PARVG: variants seen among roughly 807,000 people sequenced by gnomAD.
PARVG encodes the protein gamma-parvin.
In PARVG, 36 loss-of-function variants were observed where a neutral mutation model predicts 44.4. The observed-to-expected ratio is 0.81, with a 90% CI of 0.62 to 1.07. PARVG has a LOEUF of 1.07. Among genes scored for constraint, PARVG ranks in the 50% least tolerant of loss-of-function variants. The pLI is 0.00. For missense variants in PARVG, 407 were observed against 407.4 expected (o/e 1.00, Z 0.01); for synonymous variants, 170 against 174.1 (o/e 0.98, Z 0.19).
In PARVG at chr22:44,192,117, T is replaced by C. The variant is rs1182131126; in HGVS notation, c.560+13T>C. 6.2e-7 allele frequency: 1 copy of C among 1,609,442 alleles called. No homozygotes were observed. The highest frequency in any genetic ancestry group is 1.1e-5 in the South Asian group (1 of 90,968). On this transcript the variant is annotated intron_variant, in intron 8 of 13. Transcript: ENST00000444313. The stretch of plus-strand genomic sequence containing the variant: ...TCACTGAATACAGGTGAGGGAAGGA[T>C]GAGGGCCCATGGGTGGGGCTGGGGC...
At chr22:44,203,732 C>G (rs1177692263) in intron 12 of PARVG, among the ~76,000 whole-genome samples, 7 of 152,244 alleles carry the variant, frequency 4.6e-5, no homozygotes, top group African/African-American at 1.7e-4. Context: ...ACTGGGGACA[C>G]AGTGATGGGA....
upstream of PARVG, among the ~76,000 whole-genome samples, chr22:44,177,300 G>A (rs774223170): frequency 1.3e-5 from 2 of 152,164 alleles, no homozygotes; most frequent in Non-Finnish European, 2.9e-5. Context: ...ATACATCAGT[G>A]TAGCTTCCTA....
chr22:44,191,464 C>T (rs2054548342), intron 7 of PARVG, among the ~76,000 whole-genome samples: 1 of 120,178 alleles, frequency 8.3e-6, no homozygotes, highest in Non-Finnish European at 1.6e-5. Context: ...GTGGTACAAT[C>T]TTGGCTCACT....
Position 44,190,622 on chromosome 22 carries a change from C to G in PARVG, c.460C>G (p.Leu154Val). ...VALAKRFQPD[L>V]SLPTNVQVEV... ...CCTGGCCAAGCGCTTCCAGCCCGAC[C>G]TCTCCCTCCCAACCAACGTCCAGGT... is the stretch of plus-strand genomic sequence containing the variant. The change falls in exon 7 of 14, where the codon CTC becomes GTC. Residue 154 changes from leucine to valine, a missense_variant. Leu to Val is a conservative substitution (Grantham distance 32). Transcript: ENST00000444313. The G allele has an allele frequency of 1.2e-6, 2 of 1,614,186 alleles. No individual in the cohort carries two copies. The highest frequency in any genetic ancestry group is 1.7e-6 in the Non-Finnish European group (2 of 1,180,010).
chr22:44,206,177 T>A (rs1601752398), intron 13 of PARVG, 140 bp from the exon 14 acceptor site: 1 of 670,646 alleles, frequency 1.5e-6, no homozygotes, highest in East Asian at 2.7e-5. Context: ...AGGCCTGGAG[T>A]GACCAGCTGT....
In PARVG at chr22:44,193,656, T is replaced by C. The variant is rs974958239; in HGVS notation, c.561-145T>C. 8.3e-6 allele frequency: 8 copies of C among 965,894 alleles called. No individual in the cohort carries two copies. The Admixed American group carries it at 9.7e-5, about 12-fold the overall frequency. The allele number at this position is 965,894 out of a possible 1,614,324, so 59.8% of individuals were successfully genotyped here. The stretch of plus-strand genomic sequence containing the variant: ...CAAAGACCTTCTCTGCTATCTGCCC[T>C]ACCTACAAAGCTGCCAGGAAAACCA... On this transcript the variant is annotated intron_variant, in intron 8 of 13. Coordinates refer to ENST00000444313, the MANE Select transcript of PARVG (RefSeq NM_022141.7).
At chr22:44,186,919 C>A in intron 4 of PARVG, 1 of 324,800 alleles carries the variant, frequency 3.1e-6, no homozygotes, top group Non-Finnish European at 6.2e-6. Context: ...AACCTCCTGA[C>A]AACCTTTAGT....
At chr22:44,174,337 G>T (rs1203000066) in intron 1 of PARVG, among the ~76,000 whole-genome samples, 1 of 152,154 alleles carries the variant, frequency 6.6e-6, no homozygotes, top group Non-Finnish European at 1.5e-5. Flanking sequence ...GAAGGAACAG[G>T]ACCTGAGTGC....
intron 12 of PARVG, among the ~76,000 whole-genome samples, chr22:44,202,341 G>C (rs760078080): frequency 2.6e-5 from 4 of 152,174 alleles, no homozygotes; most frequent in African/African-American, 4.8e-5. Context: ...GCGGAGGAAG[G>C]GGGCAGGCAG....
At chr22:44,187,083 C>T (rs1214013508) in intron 4 of PARVG, 4 of 198,888 alleles carry the variant, frequency 2.0e-5, no homozygotes, top group African/African-American at 9.1e-5. Context: ...CAGCAGCCCC[C>T]GCATTAGCTT....
At chr22:44,189,417 G>A (rs2054519244) in intron 6 of PARVG, among the ~76,000 whole-genome samples, 163 bp downstream of exon 6, 1 of 152,202 alleles carries the variant, frequency 6.6e-6, no homozygotes, top group Non-Finnish European at 1.5e-5. Context: ...CCACAGTCAG[G>A]CATCTGGCTG....
At chr22:44,180,813 C>A, upstream of PARVG, 2 of 482,406 alleles carry the variant, frequency 4.1e-6, no homozygotes, top group Non-Finnish European at 5.4e-6. Context: ...CTTACACCTG[C>A]ATCCCACCTG....
intron 12 of PARVG, among the ~76,000 whole-genome samples, chr22:44,199,159 A>G (rs1360023938): frequency 2.1e-5 from 3 of 145,718 alleles, no homozygotes; most frequent in Non-Finnish European, 4.5e-5. Context: ...CTGCCTGTCC[A>G]TGCACCTATC....
upstream of PARVG, among the ~76,000 whole-genome samples, chr22:44,179,004 T>C: frequency 6.6e-6 from 1 of 152,226 alleles, no homozygotes; most frequent in Non-Finnish European, 1.5e-5. The surrounding 1 kb of genome is among the most constrained non-coding windows in gnomAD (Gnocchi z 4.2). Context: ...TTATTAATTT[T>C]TAAAAATTTT....
chr22:44,174,556 AAC>A (rs201668956), intron 1 of PARVG, among the ~76,000 whole-genome samples: 2 of 117,860 alleles, frequency 1.7e-5, no homozygotes, highest in African/African-American at 7.3e-5. Context: ...AAAACAAACA[AAC>A]AAAAAAAAAA....
intron 12 of PARVG, among the ~76,000 whole-genome samples, chr22:44,203,961 C>T (rs1046553883): frequency 1.3e-5 from 2 of 152,258 alleles, no homozygotes; most frequent in Non-Finnish European, 2.9e-5. Flanking sequence ...TCTCCTGCCT[C>T]AGCCTCCCAA....
intron 8 of PARVG, 38 bp downstream of exon 8, chr22:44,192,142 C>A (rs1428819098): frequency 6.2e-7 from 1 of 1,602,076 alleles, no homozygotes; most frequent in Admixed American, 1.7e-5. Context: ...GGGGCTGGGG[C>A]TCACAGCGGT....
chr22:44,175,345 G>A (rs1349349667), intron 1 of PARVG, among the ~76,000 whole-genome samples: 1 of 152,196 alleles, frequency 6.6e-6, no homozygotes, highest in Admixed American at 6.5e-5. Flanking sequence ...AGAACTGGCA[G>A]AATCTGAGAA....
At chr22:44,173,178 A>G in exon 1 of PARVG, 1 of 1,268,068 alleles carries the variant, frequency 7.9e-7, no homozygotes, top group Non-Finnish European at 1.0e-6. Flanking sequence ...AGGGCAGCAG[A>G]GTCACAGCTG....
Sources: allele counts gnomAD v4.1 joint callset (sites outside exome capture counted in the v4.1 genomes callset), GRCh38; gene constraint gnomAD v4.1.1; non-coding constraint Gnocchi (gnomAD v3.1); transcripts MANE v1.5; gene names NCBI Gene and HGNC (gene_info 2026-07-23, HGNC 2026-07-21).